RYR3: variants seen among roughly 807,000 people sequenced by gnomAD.
The protein encoded by RYR3 is ryanodine receptor 3.
A neutral mutation model predicts 584.3 loss-of-function variants in RYR3; 207 were observed. The observed-to-expected ratio is 0.35, with a 90% confidence interval of 0.32 to 0.40. RYR3 has a LOEUF of 0.40. Among genes scored for constraint, RYR3 ranks in the 10% least tolerant of loss-of-function variants. The pLI is 1.00. For missense variants in RYR3, 5,616 were observed against 6,089.2 expected, an observed-to-expected ratio of 0.92 and a Z score of 2.59; for synonymous variants, 2,416 against 2,248.5, an observed-to-expected ratio of 1.07 and a Z score of -2.11.
At chr15:33,680,645 G>A (rs2064526718) in intron 38 of RYR3, among the ~76,000 whole-genome samples, 1 of 152,198 alleles carries the variant, frequency 6.6e-6, no homozygotes, top group Non-Finnish European at 1.5e-5. Context: ...CCTAGAAAAT[G>A]GAACATGCTA....
Position 33,771,952 on chromosome 15 carries a change from A to T in RYR3, c.8849A>T (p.Lys2950Met). Residue 2950 changes from lysine (K) to methionine (M), a missense_variant, in exon 63 of 104, where the codon AAG becomes ATG. Lys to Met is a moderately conservative substitution (Grantham distance 95). This residue lies in a region of RYR3 where 1,280 missense variants were observed against 1,426.2 expected (regional missense o/e 0.90). Coordinates refer to ENST00000634891, the MANE Select transcript of RYR3 (RefSeq NM_001036.6). ...ATGAAGTCAGGCTCAGAGCTGGTGA[A>T]GGCTGGGTTACGAGCATTCTTTGAA... ...TVMKSGSELV[K>M]AGLRAFFENA... is the part of the protein sequence containing the mutation. The T allele has an allele frequency of 1.9e-6, 3 of 1,613,088 alleles. No individual in the cohort carries two copies. The highest frequency in any genetic ancestry group is 2.5e-6 in the Non-Finnish European group (3 of 1,179,560).
At chr15:33,585,662 G>T (rs777266131) in intron 15 of RYR3, among the ~76,000 whole-genome samples, 1 of 152,200 alleles carries the variant, frequency 6.6e-6, no homozygotes, top group East Asian at 1.9e-4. Flanking sequence ...ATTTTTAAAT[G>T]AAGTATTATG....
chr15:33,370,492 G>C (rs1418136010), intron 1 of RYR3, among the ~76,000 whole-genome samples: 4 of 152,202 alleles, frequency 2.6e-5, no homozygotes, highest in African/African-American at 9.6e-5. Flanking sequence ...ATAGGACACA[G>C]CTGGCCATAA....
chr15:33,721,994 T>C (rs373751138), intron 43 of RYR3, among the ~76,000 whole-genome samples: 4 of 152,162 alleles, frequency 2.6e-5, no homozygotes, highest in Admixed American at 2.6e-4. Flanking sequence ...GAATAACCAA[T>C]AAAACTTTAC....
intron 12 of RYR3, among the ~76,000 whole-genome samples, chr15:33,569,211 CTTAG>C (rs1312572597): frequency 6.6e-6 from 1 of 152,136 alleles, no homozygotes; most frequent in African/African-American, 2.4e-5. Context: ...TGGGTAAATA[CTTAG>C]GAGTGAAATT....
At chr15:33,349,572 C>A (rs1332995522) in intron 1 of RYR3, among the ~76,000 whole-genome samples, 1 of 150,690 alleles carries the variant, frequency 6.6e-6, no homozygotes, top group Non-Finnish European at 1.5e-5. Context: ...CATTTGTGTA[C>A]CTTCTTTTTT....
intron 52 of RYR3, among the ~76,000 whole-genome samples, chr15:33,744,864 T>G (rs2070524636): frequency 6.6e-6 from 1 of 152,088 alleles, no homozygotes; most frequent in Non-Finnish European, 1.5e-5. Flanking sequence ...AACATGTGGG[T>G]TTTACCAGGA....
chr15:33,860,770 C>A, intron 101 of RYR3, 111 bp downstream of exon 101: 1 of 872,746 alleles, frequency 1.1e-6, no homozygotes, highest in Non-Finnish European at 1.8e-6. Flanking sequence ...TAAGCAAGAA[C>A]GCAGTTTGTT....
intron 53 of RYR3, among the ~76,000 whole-genome samples, chr15:33,747,086 C>G (rs1296271311): frequency 6.6e-6 from 1 of 152,116 alleles, no homozygotes; most frequent in Non-Finnish European, 1.5e-5. Flanking sequence ...ACTGGAATTA[C>G]AGGTGTGAAC....
intron 70 of RYR3, 113 bp downstream of exon 70, chr15:33,807,682 C>G: frequency 4.7e-6 from 5 of 1,067,576 alleles, no homozygotes; most frequent in Non-Finnish European, 7.1e-6. Flanking sequence ...ATTTTCCCGC[C>G]TGGAGGTCCC....
intron 2 of RYR3, among the ~76,000 whole-genome samples, chr15:33,483,560 G>A (rs965617131): frequency 3.4e-4 from 52 of 152,160 alleles, no homozygotes; most frequent in Admixed American, 3.3e-3. Flanking sequence ...GTCTCCAGAT[G>A]TAGTCTTTTG....
intron 38 of RYR3, among the ~76,000 whole-genome samples, chr15:33,688,908 A>G (rs924491880): frequency 1.3e-5 from 2 of 152,210 alleles, no homozygotes; most frequent in Non-Finnish European, 2.9e-5. Context: ...TCATGCTACT[A>G]TAAAGACACA....
intron 2 of RYR3, among the ~76,000 whole-genome samples, chr15:33,491,304 T>C (rs1176956873): frequency 6.6e-6 from 1 of 152,214 alleles, no homozygotes; most frequent in African/African-American, 2.4e-5. Context: ...GCTATAGTAA[T>C]AGATAGACTT....
intron 27 of RYR3, among the ~76,000 whole-genome samples, chr15:33,639,991 G>A (rs978715517): frequency 5.3e-5 from 8 of 152,090 alleles, no homozygotes; most frequent in East Asian, 1.9e-4. Context: ...AGAATGCGAC[G>A]TCTGGAAGAG....
chr15:33,811,770 A>G (rs56163067), intron 72 of RYR3, among the ~76,000 whole-genome samples: 5,665 of 152,200 alleles, frequency 0.037, 194 homozygotes, highest in Middle Eastern at 0.071. Context: ...AAGTTTTAGC[A>G]CTTCCTGCTC....
chr15:33,862,620 G>C (rs981445614), intron 102 of RYR3, among the ~76,000 whole-genome samples: 6 of 152,030 alleles, frequency 3.9e-5, no homozygotes, highest in African/African-American at 1.4e-4. Context: ...CATGAGTTTT[G>C]TTTTTTTATT....
intron 36 of RYR3, 49 bp downstream of exon 36, chr15:33,663,786 G>A: frequency 1.3e-6 from 2 of 1,503,692 alleles, no homozygotes; most frequent in South Asian, 1.2e-5. Context: ...AAGAACTTGA[G>A]ACCTATGGAA....
At chr15:33,735,089 A>G (rs1467249526) in intron 48 of RYR3, among the ~76,000 whole-genome samples, 1 of 152,236 alleles carries the variant, frequency 6.6e-6, no homozygotes, top group Non-Finnish European at 1.5e-5. Context: ...CTCTAGATGT[A>G]GCAGGCAAAC....
intron 49 of RYR3, among the ~76,000 whole-genome samples, chr15:33,736,673 T>C (rs2069493734): frequency 6.6e-6 from 1 of 152,216 alleles, no homozygotes. Context: ...ATTAAATTGA[T>C]TAAAATGTCC....
Sources: gnomAD v4.1 joint callset for allele counts (sites outside exome capture counted in the v4.1 genomes callset) on GRCh38, gnomAD v4.1.1 for gene constraint, gnomAD v4.1.1 regional missense constraint, MANE v1.5 for transcripts, NCBI Gene and HGNC (gene_info 2026-07-23, HGNC 2026-07-21) for gene names.